TMEM123: variants seen among roughly 807,000 people sequenced by gnomAD.
TMEM123 encodes the protein porimin.
TMEM123 carries 16 observed loss-of-function variants against 19.7 expected under a neutral mutation model. That is an observed-to-expected ratio of 0.81 (90% confidence interval 0.55 to 1.23). The LOEUF (loss-of-function observed/expected upper bound fraction) is 1.23. Among genes scored for constraint, TMEM123 ranks in the 50% most tolerant of loss-of-function variants. The pLI is 0.00. For synonymous variants in TMEM123, 118 were observed against 99.4 expected (o/e 1.19, Z -1.12); for missense variants, 313 against 257.8 (o/e 1.21, Z -1.47).
At chr11:102,412,562 A>G (rs1952014277) in intron 2 of TMEM123, among the ~76,000 whole-genome samples, 1 of 152,218 alleles carries the variant, frequency 6.6e-6, no homozygotes, top group African/African-American at 2.4e-5. Flanking sequence ...AAGAGTAAAG[A>G]AAAGAAATTT....
chr11:102,414,212 A>G (rs986980706), intron 2 of TMEM123, among the ~76,000 whole-genome samples: 2 of 152,240 alleles, frequency 1.3e-5, no homozygotes, highest in African/African-American at 4.8e-5. Context: ...AAAGAGACAA[A>G]AACCTACAAC....
intron 2 of TMEM123, among the ~76,000 whole-genome samples, chr11:102,413,810 T>G (rs1412932297): frequency 6.6e-6 from 1 of 152,216 alleles, no homozygotes; most frequent in Admixed American, 6.5e-5. Context: ...CTGCAGTGTC[T>G]TCTTACCTCC....
At chr11:102,438,810 C>T (rs527421853) in intron 2 of TMEM123, among the ~76,000 whole-genome samples, 9 of 152,346 alleles carry the variant, frequency 5.9e-5, no homozygotes, top group African/African-American at 1.4e-4. Flanking sequence ...CCGGGAAGCA[C>T]AAGGGGTTGG....
chr11:102,451,315 C>G (rs1214634298), intron 1 of TMEM123: 1 of 152,126 alleles, frequency 6.6e-6, no homozygotes, highest in Non-Finnish European at 1.5e-5. Context: ...AAAATTAGGA[C>G]CAAGATACAC....
chr11:102,430,631 G>A (rs765011008), intron 2 of TMEM123, among the ~76,000 whole-genome samples: 1 of 152,208 alleles, frequency 6.6e-6, no homozygotes, highest in Non-Finnish European at 1.5e-5. Context: ...AGAGGGCAGA[G>A]AAAGGAGGAA....
chr11:102,436,445 G>A (rs1591564781), intron 2 of TMEM123, among the ~76,000 whole-genome samples: 1 of 151,970 alleles, frequency 6.6e-6, no homozygotes, highest in Non-Finnish European at 1.5e-5. Context: ...TTACAGGCGT[G>A]AGCCACCGCA....
chr11:102,447,221 T>C (rs1225737075), intron 2 of TMEM123, among the ~76,000 whole-genome samples: 1 of 152,264 alleles, frequency 6.6e-6, no homozygotes, highest in African/African-American at 2.4e-5. Context: ...CCACTGACTC[T>C]GGAGCTGCCC....
At chr11:102,416,327 T>C (rs1952043985) in intron 2 of TMEM123, among the ~76,000 whole-genome samples, 1 of 152,054 alleles carries the variant, frequency 6.6e-6, no homozygotes, top group Admixed American at 6.6e-5. Flanking sequence ...AAAGGAAACA[T>C]TACCACCAAC....
At chr11:102,445,010 G>C (rs1023290626) in intron 2 of TMEM123, among the ~76,000 whole-genome samples, 2 of 151,810 alleles carry the variant, frequency 1.3e-5, no homozygotes, top group African/African-American at 4.8e-5. Context: ...CACACACCAG[G>C]GCCTGTCGTG....
At chr11:102,418,592 A>G (rs1287461706) in intron 2 of TMEM123, among the ~76,000 whole-genome samples, 1 of 152,246 alleles carries the variant, frequency 6.6e-6, no homozygotes, top group Non-Finnish European at 1.5e-5. Context: ...CCACTGTGGA[A>G]AGCAGTTTGA....
At chr11:102,400,573 C>G (rs1245426608) in intron 4 of TMEM123, among the ~76,000 whole-genome samples, 1 of 152,212 alleles carries the variant, frequency 6.6e-6, no homozygotes, top group East Asian at 1.9e-4. Context: ...AGTGAATTAG[C>G]TCTTACATTT....
intron 2 of TMEM123, among the ~76,000 whole-genome samples, chr11:102,405,074 A>T (rs1410793438): frequency 6.7e-6 from 1 of 149,776 alleles, no homozygotes; most frequent in African/African-American, 2.5e-5. Flanking sequence ...TTTGAGACAG[A>T]GTCTTGCTCT....
rs376511350 is a variant in TMEM123 at position 102,452,536 on chromosome 11, C to A, written c.88G>T (p.Ala30Ser). 25 of 1,555,088 alleles carry A rather than the reference C, an allele frequency of 1.6e-5. 1 individual carries two copies. The highest frequency in any genetic ancestry group is 7.0e-5 in the South Asian group (6 of 85,396). Residue 30 changes from alanine (A) to serine (S), a missense_variant, in exon 1 of 5, where the codon GCA (alanine) becomes TCA (serine). Coordinates refer to ENST00000398136, the MANE Select transcript of TMEM123 (RefSeq NM_052932.3). The part of the protein sequence containing the change: ...LALLGAAHES[A>S]AMAASANIEN... Reference sequence around the variant, plus strand: ...CGCAGCCACTTACCCGCCATGGCTGCGCTTTCATGGGCGGCCCCCAGCAGC... The same window carrying A: ...CGCAGCCACTTACCCGCCATGGCTGAGCTTTCATGGGCGGCCCCCAGCAGC...
In TMEM123 at chr11:102,403,592, G is replaced by GT. The variant is rs1384456267; in HGVS notation, c.158-1387dup. Among the ~76,000 whole-genome samples, 13 of 152,166 alleles carry GT rather than the reference G, an allele frequency of 8.5e-5. No homozygotes were observed. In the South Asian group the frequency reaches 1.7e-3, roughly 19 times the overall value. On this transcript the variant is annotated intron_variant, in intron 2 of 4. Coordinates refer to ENST00000398136, the MANE Select transcript of TMEM123 (RefSeq NM_052932.3). ...TTCCTGTCTCATAGTTTATTTTCAG[G>GT]TTTTTTGGTTTCCTATGTTGCCTAC...
Position 102,398,394 on chromosome 11 carries a change from T to A in TMEM123, c.*473A>T. On this transcript the variant is annotated 3_prime_UTR_variant, in exon 5 of 5. Coordinates refer to ENST00000398136, the MANE Select transcript of TMEM123 (RefSeq NM_052932.3). ...AATTATGCTTCAGATCTAGTTTGAT[T>A]GTATAATTTCTGTGTGGCATTAGTA... 1 of 395,422 alleles carries A rather than the reference T, an allele frequency of 2.5e-6. No individual in the cohort carries two copies. Among genetic ancestry groups the A allele is most frequent in the Non-Finnish European group, 4.5e-6 (1 of 224,512 alleles). The allele number at this position is 395,422 out of a possible 1,614,324, so 24.5% of individuals were successfully genotyped here.
At chr11:102,416,912 A>C (rs996354094) in intron 2 of TMEM123, among the ~76,000 whole-genome samples, 7 of 152,212 alleles carry the variant, frequency 4.6e-5, no homozygotes, top group Non-Finnish European at 2.9e-5. Flanking sequence ...CTCAGTAAAC[A>C]AAGAAAAGGC....
chr11:102,428,611 CAA>C (rs950345000), intron 2 of TMEM123, among the ~76,000 whole-genome samples: 2 of 142,152 alleles, frequency 1.4e-5, no homozygotes, highest in African/African-American at 2.6e-5. Context: ...CCGGCCCCCC[CAA>C]AAAAAAAAAG....
rs1951875959 is a variant in TMEM123, at chr11:102,397,969, G to T, written c.*898C>A. On this transcript the variant is annotated 3_prime_UTR_variant, in exon 5 of 5. Coordinates refer to ENST00000398136, the MANE Select transcript of TMEM123 (RefSeq NM_052932.3). ...TCTAGATATTGAAAGCAGCTCTACA[G>T]TTCTTAAAATATTCACAAAATATAA... 6.6e-6 allele frequency: 1 copy of T among 152,126 alleles called. No individual in the cohort carries two copies. The highest frequency in any genetic ancestry group is 2.4e-5 in the African/African-American group (1 of 41,426). The allele number at this position is 152,126 out of a possible 1,614,324, so 9.4% of individuals were successfully genotyped here. A position where few individuals can be genotyped will look rare whatever the true frequency, so the allele number is the denominator to read the frequency against.
rs1184126493 is a variant in TMEM123 at position 102,401,441 on chromosome 11, T to TA, written c.602+97dup. ...GAATATAACTCATAAATCTATCAAT[T>TA]ATTCATCCCTGAGATGAGCACTGGC... On this transcript the variant is annotated intron_variant, in intron 4 of 4. Transcript: ENST00000398136. 16 of 1,137,068 alleles carry TA rather than the reference T, an allele frequency of 1.4e-5. No individual in the cohort carries two copies. The East Asian group carries it at 4.2e-4, about 30-fold the overall frequency. 70.4% of individuals were successfully genotyped at this position (1,137,068 alleles called of 1,614,324 possible).
Sources: gnomAD v4.1 joint callset for allele counts (sites outside exome capture counted in the v4.1 genomes callset) on GRCh38, gnomAD v4.1.1 for gene constraint, MANE v1.5 for transcripts, NCBI Gene and HGNC (gene_info 2026-07-23, HGNC 2026-07-21) for gene names.